The following ZC3H7A variants were observed in gnomAD, a reference collection of about 807,000 sequenced individuals.
ZC3H7A encodes the protein zinc finger CCCH domain-containing protein 7A.
A neutral mutation model predicts 125.5 loss-of-function variants in ZC3H7A; 44 were observed. The observed-to-expected ratio is 0.35, with a 90% CI of 0.28 to 0.45. The LOEUF (loss-of-function observed/expected upper bound fraction) is 0.45, where lower values mean the gene tolerates loss of function less well. Among genes scored for constraint, ZC3H7A ranks in the 20% least tolerant of loss-of-function variants. The pLI, the probability that ZC3H7A is intolerant of heterozygous loss-of-function variation, is 1.00. For missense variants in ZC3H7A, 977 were observed against 1,170.7 expected (o/e 0.83, Z 2.41); for synonymous variants, 399 against 391.2 (o/e 1.02, Z -0.23).
chr16:11,761,522 T>C lies in ZC3H7A; in HGVS notation c.2214-11A>G, dbSNP rs1223168761. The C allele has an allele frequency of 2.5e-6, 4 of 1,613,246 alleles. No individual in the cohort carries two copies. In the Admixed American group the frequency reaches 6.7e-5, roughly 27 times the overall value. ...CGGTCTTTGGTCCACCTAAGAAAAA[T>C]GGAGTTCAGAAAAAAACAAAGACAC... is the stretch of plus-strand genomic sequence containing the variant. On this transcript the variant is annotated splice_polypyrimidine_tract_variant and intron_variant, in intron 18 of 22. Transcript: ENST00000355758.
At position 11,756,311 on chromosome 16, in the gene ZC3H7A, C is replaced by G; in HGVS notation, c.2488G>C (p.Glu830Gln). 6.2e-7 allele frequency: 1 copy of G among 1,614,064 alleles called. No individual in the cohort carries two copies. The highest frequency in any genetic ancestry group is 8.5e-7 in the Non-Finnish European group (1 of 1,180,004). Reference protein sequence around the residue: ...WLKSQKNEKSEDIASQSNKEN... With the variant: ...WLKSQKNEKSQDIASQSNKEN... ...TTGTTTGACTGACTGGCTATGTCTT[C>G]ACTTTTTTCATTTTTTTGACTCTTG... The change falls in exon 21 of 23, where the codon GAA becomes CAA. Residue 830 changes from glutamate (E) to glutamine (Q), a missense_variant. Physicochemically the swap from Glu to Gln is conservative, Grantham distance 29. Transcript: ENST00000355758.
At chr16:11,752,992 C>A (rs1439460579) in intron 21 of ZC3H7A, 160 bp from the exon 22 acceptor site, 3 of 792,006 alleles carry the variant, frequency 3.8e-6, no homozygotes, top group African/African-American at 3.5e-5. Context: ...CAAGCCAGCA[C>A]TCAGGACACA....
rs751525552 is a variant in ZC3H7A, at chr16:11,770,795, C to T, written c.1096G>A (p.Glu366Lys). The change falls in exon 10 of 23, where the codon GAA (glutamate) becomes AAA (lysine). Residue 366 changes from glutamate (E) to lysine (K), a missense_variant. Around this residue, in one of 3 missense-constraint regions of ZC3H7A, gnomAD observed 342 missense variants for 311.3 expected, o/e 1.10. Transcript: ENST00000355758. ...CSSLNSFSMS[E>K]SKRDLSTSTS... ...ATTTGGTTCTTACCTCGTTTGGATTCACTCATTGAAAATGAATTTAAAGAA... is the reference window on the plus strand; with the variant it reads ...ATTTGGTTCTTACCTCGTTTGGATTTACTCATTGAAAATGAATTTAAAGAA... 20 of 1,612,478 alleles carry T rather than the reference C, an allele frequency of 1.2e-5. No individual in the cohort carries two copies. The highest frequency in any genetic ancestry group is 1.6e-5 in the Non-Finnish European group (19 of 1,179,162).
In ZC3H7A at chr16:11,765,527, G is replaced by A; in HGVS notation, c.1681C>T (p.Leu561Phe). Residue 561 changes from leucine to phenylalanine, a missense_variant, in exon 14 of 23, where the codon CTC (leucine) becomes TTC (phenylalanine). By Grantham distance (22) the Leu-to-Phe change is conservative (BLOSUM62 0). Transcript: ENST00000355758. The surrounding 1 kb of genome is among the most constrained non-coding windows in gnomAD (Gnocchi z 4.8). Reference protein sequence around the residue: ...GKINLTVFKLLQEHLGEFIFL... With the variant: ...GKINLTVFKLFQEHLGEFIFL... The stretch of plus-strand genomic sequence containing the variant: ...ATAAATTCCCCAAGATGCTCCTGGA[G>A]AAGTTTGAACACAGTAAGGTTAATC... 1 of 1,613,752 alleles carries A rather than the reference G, an allele frequency of 6.2e-7. No homozygotes were observed. Among genetic ancestry groups the A allele is most frequent in the Non-Finnish European group, 8.5e-7 (1 of 1,179,802 alleles).
intron 19 of ZC3H7A, 21 bp downstream of exon 19, chr16:11,761,385 G>C (rs2052750062): frequency 6.2e-7 from 1 of 1,605,210 alleles, no homozygotes; most frequent in Non-Finnish European, 8.5e-7. Flanking sequence ...AAAAAAAGTG[G>C]CTTAAAAATT....
intron 9 of ZC3H7A, among the ~76,000 whole-genome samples, chr16:11,773,954 A>G (rs1219587570): frequency 1.3e-5 from 2 of 152,072 alleles, no homozygotes; most frequent in Non-Finnish European, 2.9e-5. Context: ...TAAATATCAA[A>G]CGCCTATTTT....
intron 22 of ZC3H7A, 26 bp from the exon 23 acceptor site, chr16:11,751,532 T>A (rs908619720): frequency 6.3e-7 from 1 of 1,597,366 alleles, no homozygotes; most frequent in Non-Finnish European, 8.5e-7. Context: ...AGCTGCTCAG[T>A]GTCCATATAA....
At chr16:11,751,632 G>T in intron 22 of ZC3H7A, 126 bp from the exon 23 acceptor site, 1 of 897,084 alleles carries the variant, frequency 1.1e-6, no homozygotes, top group Non-Finnish European at 1.6e-6. Flanking sequence ...GGAATCTCAA[G>T]CCTAGAATGG....
intron 13 of ZC3H7A, among the ~76,000 whole-genome samples, chr16:11,766,376 C>T (rs550807433): frequency 6.6e-6 from 1 of 151,868 alleles, no homozygotes; most frequent in Non-Finnish European, 1.5e-5. Flanking sequence ...ACGAGCCTAA[C>T]CAACATGAAG....
intron 8 of ZC3H7A, among the ~76,000 whole-genome samples, chr16:11,774,739 A>G (rs1441344148): frequency 1.3e-5 from 2 of 152,240 alleles, no homozygotes; most frequent in African/African-American, 2.4e-5. Context: ...CACAGCTATC[A>G]GACAGTGGCA....
chr16:11,762,070 AT>A (rs752669667), intron 17 of ZC3H7A, 27 bp from the exon 18 acceptor site: 413 of 1,551,782 alleles, frequency 2.7e-4, no homozygotes, highest in Admixed American at 4.7e-4. Flanking sequence ...ATTCGTTTTA[AT>A]TTTTTTAACA....
chr16:11,759,069 A>T (rs538646753), intron 19 of ZC3H7A: 1 of 152,940 alleles, frequency 6.5e-6, no homozygotes, highest in Admixed American at 6.5e-5. Flanking sequence ...CACACTAGCC[A>T]TACCATGGAG....
At chr16:11,790,743 T>C (rs956598945) in intron 1 of ZC3H7A, among the ~76,000 whole-genome samples, 1 of 151,992 alleles carries the variant, frequency 6.6e-6, no homozygotes, top group Non-Finnish European at 1.5e-5. Context: ...TTCTTCATGT[T>C]GGTCCAGCTG....
chr16:11,771,032 T>A, intron 9 of ZC3H7A, 45 bp from the exon 10 acceptor site: 3 of 1,548,692 alleles, frequency 1.9e-6, no homozygotes, highest in Non-Finnish European at 2.6e-6. Flanking sequence ...GAAGCTGTCA[T>A]GGGTTTGGCT....
chr16:11,784,216 G>A (rs940321563), intron 1 of ZC3H7A, among the ~76,000 whole-genome samples: 4 of 152,122 alleles, frequency 2.6e-5, no homozygotes, highest in Admixed American at 6.5e-5. Context: ...AAACAAGAAT[G>A]CCAAAAATAT....
At chr16:11,778,214 A>G (rs544655289) in intron 4 of ZC3H7A, among the ~76,000 whole-genome samples, 37 of 151,924 alleles carry the variant, frequency 2.4e-4, no homozygotes, top group Admixed American at 5.9e-4. Flanking sequence ...AGGCGGGCAG[A>G]TTGCCTGAAT....
At chr16:11,771,607 T>A (rs1478023983) in intron 9 of ZC3H7A, among the ~76,000 whole-genome samples, 1 of 151,294 alleles carries the variant, frequency 6.6e-6, no homozygotes, top group East Asian at 2.0e-4. Flanking sequence ...TTCAAATGAT[T>A]CTCCTGCCTC....
chr16:11,754,814 C>G (rs2052612498), intron 21 of ZC3H7A, among the ~76,000 whole-genome samples: 1 of 148,388 alleles, frequency 6.7e-6, no homozygotes. Context: ...ATTGCTTGAA[C>G]CTGAGAGGCA....
chr16:11,777,766 T>C (rs1404496902), intron 4 of ZC3H7A, among the ~76,000 whole-genome samples: 2 of 151,378 alleles, frequency 1.3e-5, no homozygotes, highest in Non-Finnish European at 2.9e-5. Context: ...ATGCCTGTAA[T>C]CCCAGCACTT....
Sources: allele counts gnomAD v4.1 joint callset (sites outside exome capture counted in the v4.1 genomes callset), GRCh38; gene constraint gnomAD v4.1.1; regional missense constraint gnomAD v4.1.1; non-coding constraint Gnocchi (gnomAD v3.1); transcripts MANE v1.5; gene names NCBI Gene and HGNC (gene_info 2026-07-23, HGNC 2026-07-21).